Variants in ATP2A3 observed in about 807,000 individuals in gnomAD.
ATP2A3 encodes the protein sarcoplasmic/endoplasmic reticulum calcium ATPase 3.
A neutral mutation model predicts 106.8 loss-of-function variants in ATP2A3; 61 were observed. The observed-to-expected ratio is 0.57, with a 90% confidence interval of 0.46 to 0.71. The LOEUF (loss-of-function observed/expected upper bound fraction) is 0.71. Among genes scored for constraint, ATP2A3 ranks in the 30% least tolerant of loss-of-function variants. The pLI is 0.00. For missense variants in ATP2A3, 1,201 were observed against 1,423.5 expected (o/e 0.84, Z 2.52); for synonymous variants, 611 against 609.3 (o/e 1.00, Z -0.04).
rs934326976 is a variant in ATP2A3, at chr17:3,924,655, G to GA, written c.*766dup. On this transcript the variant is annotated 3_prime_UTR_variant, in exon 21 of 21. Transcript: ENST00000397041. The surrounding 1 kb of genome is among the most constrained non-coding windows in gnomAD (Gnocchi z 6.4). ...GACTCTGAACATCTCCCGAGCTCAG[G>GA]ACGGGGAACCCTGAGTCCAGGAGGC... The GA allele has an allele frequency of 2.2e-5, 8 of 370,236 alleles. No homozygotes were observed. Among genetic ancestry groups the GA allele is most frequent in the African/African-American group, 1.2e-4 (6 of 48,544 alleles). The allele number at this position is 370,236 out of a possible 1,614,324, so 22.9% of individuals were successfully genotyped here. A position where few individuals can be genotyped will look rare whatever the true frequency, so the allele number is the denominator to read the frequency against.
intron 10 of ATP2A3, among the ~76,000 whole-genome samples, chr17:3,943,742 G>A (rs1008771915): frequency 7.9e-5 from 12 of 152,182 alleles, no homozygotes; most frequent in East Asian, 1.9e-4. Flanking sequence ...GCCACACACC[G>A]TCCCTGCCCT....
rs1351290126 is a variant in ATP2A3, at chr17:3,928,333, T to G, written c.2980+330A>C. The G allele has an allele frequency of 1.9e-6, 3 of 1,612,310 alleles. No individual in the cohort carries two copies. In the East Asian group the frequency reaches 6.7e-5, roughly 36 times the overall value. On this transcript the variant is annotated intron_variant, in intron 20 of 20. Coordinates refer to ENST00000397041, the MANE Select transcript of ATP2A3 (RefSeq NM_005173.4). The surrounding 1 kb of genome is among the most constrained non-coding windows in gnomAD (Gnocchi z 6.1). ...AAGGCCTGGATAAAGACAGGCTGGG[T>G]GCAGAGGGGTCAGAGGCTGAGGCCC...
intron 12 of ATP2A3, among the ~76,000 whole-genome samples, chr17:3,942,101 C>T (rs2053817877): frequency 6.6e-6 from 1 of 152,138 alleles, no homozygotes; most frequent in African/African-American, 2.4e-5. Context: ...GGGCATAGCC[C>T]TGGGAAGGGG....
rs1403716326 is a variant in ATP2A3, at chr17:3,929,540, G to A, written c.2745-95C>T. 3.7e-6 allele frequency: 4 copies of A among 1,094,342 alleles called. No homozygotes were observed. Among genetic ancestry groups the A allele is most frequent in the African/African-American group, 3.1e-5 (2 of 63,816 alleles). 67.8% of individuals were successfully genotyped at this position (1,094,342 alleles called of 1,614,324 possible). ...GGAGGAGCCTCACCACTTCTCTAGC[G>A]GTGCATTGCTGTTGCCCGCTCGGCC... On this transcript the variant is annotated intron_variant, in intron 18 of 20. Transcript: ENST00000397041. This position sits in a 1 kb window ranked among gnomAD's most constrained non-coding sequence, Gnocchi z 4.3.
In ATP2A3 at chr17:3,953,459, GCCCC is replaced by G; in HGVS notation, c.137-34_137-31del. Reference sequence around the variant, plus strand: ...GAACGGGGGTCATGTGTGAGGCTGGGCCCCCACCACTGACCCTGCCCACTCAGAG... The same window carrying G: ...GAACGGGGGTCATGTGTGAGGCTGGGCACCACTGACCCTGCCCACTCAGAG... On this transcript the variant is annotated intron_variant, in intron 2 of 20. Coordinates refer to ENST00000397041, the MANE Select transcript of ATP2A3 (RefSeq NM_005173.4). The surrounding 1 kb of genome is among the most constrained non-coding windows in gnomAD (Gnocchi z 5.1). 6.2e-7 allele frequency: 1 copy of G among 1,607,152 alleles called. No individual in the cohort carries two copies. The highest frequency in any genetic ancestry group is 8.5e-7 in the Non-Finnish European group (1 of 1,174,190).
intron 17 of ATP2A3, among the ~76,000 whole-genome samples, chr17:3,934,522 C>CTTTTTT (rs111586874): frequency 8.1e-5 from 10 of 123,392 alleles, no homozygotes; most frequent in Non-Finnish European, 8.4e-5. Context: ...CCCCTCGATT[C>CTTTTTT]TTTTTTTTTT....
Position 3,958,847 on chromosome 17 carries a change from TAA to T in ATP2A3, c.119-5139_119-5138del, listed in dbSNP as rs1491177459. 1.0e-3 allele frequency among the ~76,000 whole-genome samples: 97 copies of T among 95,458 alleles called. 3 individuals are homozygous for T. The highest frequency in any genetic ancestry group is 2.6e-3 in the African/African-American group (46 of 17,508). 62.6% of individuals were successfully genotyped at this position (95,458 alleles called of 152,430 possible). A position where few individuals can be genotyped will look rare whatever the true frequency, so the allele number is the denominator to read the frequency against. On this transcript the variant is annotated intron_variant, in intron 1 of 20. Transcript: ENST00000397041. ...ACATATATATACACACACACATATA[TAA>T]ATATATATATATATATATATACACA...
rs537806292 is a variant in ATP2A3, at chr17:3,946,981, T to A, written c.1095+410A>T. On this transcript the variant is annotated intron_variant, in intron 8 of 20. Transcript: ENST00000397041. ...AGGTTACCGGAGCTGGCTTATCTGG[T>A]GACAGGTGTCGACTGCACAGAGTCA... is the stretch of plus-strand genomic sequence containing the variant. Among the ~76,000 whole-genome samples, 3 of 152,344 alleles carry A rather than the reference T, an allele frequency of 2.0e-5. No individual in the cohort carries two copies. In the South Asian group the frequency reaches 6.2e-4, roughly 32 times the overall value.
At chr17:3,933,893 C>T (rs2053265853) in intron 17 of ATP2A3, among the ~76,000 whole-genome samples, 1 of 151,344 alleles carries the variant, frequency 6.6e-6, no homozygotes. Context: ...CTGTGTCCTG[C>T]AAGACCCCCT....
In ATP2A3 at chr17:3,950,733, G is replaced by T; in HGVS notation, c.504C>A (p.Ile168=). Residue 168 remains isoleucine (I), a synonymous_variant, in exon 6 of 21, where the codon ATC becomes ATA. Transcript: ENST00000397041. ...GGTCCACTCGCAGCGTGGTGGACTT[G>T]ATCTCGATGAGGCGGAGGTCAGCAG... ...KVPADLRLIE[I]KSTTLRVDQS... The T allele has an allele frequency of 3.1e-6, 5 of 1,613,974 alleles. No homozygotes were observed. The highest frequency in any genetic ancestry group is 2.2e-5 in the South Asian group (2 of 91,074).
intron 1 of ATP2A3, among the ~76,000 whole-genome samples, chr17:3,961,894 T>C (rs1387623673): frequency 6.6e-6 from 1 of 152,122 alleles, no homozygotes; most frequent in Non-Finnish European, 1.5e-5. Flanking sequence ...TGCACAGCTA[T>C]GAAGGGGCAG....
In ATP2A3 at chr17:3,928,219, G is replaced by C. The variant is rs1171522450; in HGVS notation, c.2980+444C>G. 6.2e-7 allele frequency: 1 copy of C among 1,613,272 alleles called. No individual in the cohort carries two copies. Among genetic ancestry groups the C allele is most frequent in the African/African-American group, 1.3e-5 (1 of 74,922 alleles). ...AACCCTCCCCTTGACCCACCCACAA[G>C]GTGATACCAAAGAGGCCAACCCGGT... On this transcript the variant is annotated intron_variant, in intron 20 of 20. Transcript: ENST00000397041. The surrounding 1 kb of genome is among the most constrained non-coding windows in gnomAD (Gnocchi z 6.1).
At position 3,930,176 on chromosome 17, in the gene ATP2A3, CGG is replaced by C; in HGVS notation, c.2744+123_2744+124del. The C allele has an allele frequency of 1.8e-6, 2 of 1,132,506 alleles. No homozygotes were observed. The highest frequency in any genetic ancestry group is 2.3e-6 in the Non-Finnish European group (2 of 857,980). The allele number at this position is 1,132,506 out of a possible 1,614,324, so 70.2% of individuals were successfully genotyped here. On this transcript the variant is annotated intron_variant, in intron 18 of 20. Transcript: ENST00000397041. This position sits in a 1 kb window ranked among gnomAD's most constrained non-coding sequence, Gnocchi z 5.4. ...CCCCCAGCCCTCAGCCCCCACTCCT[CGG>C]CCCCAGCTCCAGGCCCTGCGCCCAG... is the stretch of plus-strand genomic sequence containing the variant.
intron 5 of ATP2A3, 107 bp from the exon 6 acceptor site, chr17:3,950,880 G>A (rs2054379806): frequency 1.8e-6 from 2 of 1,125,784 alleles, no homozygotes; most frequent in African/African-American, 1.5e-5. Context: ...TCGGGTGCCT[G>A]AGCTGTGATC....
chr17:3,952,401 A>G (rs2054501620), intron 3 of ATP2A3, among the ~76,000 whole-genome samples: 1 of 152,138 alleles, frequency 6.6e-6, no homozygotes, highest in Non-Finnish European at 1.5e-5. Context: ...ACGCATCCAA[A>G]GCCCATTAGC....
intron 3 of ATP2A3, among the ~76,000 whole-genome samples, chr17:3,952,754 T>C (rs1466385635): frequency 1.3e-5 from 2 of 152,262 alleles, no homozygotes; most frequent in African/African-American, 4.8e-5. Flanking sequence ...CGCACTCGGC[T>C]AATGTTTTTG....
chr17:3,930,589 GCGGGGTC>G lies in ATP2A3; in HGVS notation c.2611-162_2611-156del. 14 of 1,120,150 alleles carry G rather than the reference GCGGGGTC, an allele frequency of 1.2e-5. No individual in the cohort carries two copies. The highest frequency in any genetic ancestry group is 1.8e-5 in the Non-Finnish European group (14 of 778,286). The allele number at this position is 1,120,150 out of a possible 1,614,324, so 69.4% of individuals were successfully genotyped here. A position where few individuals can be genotyped will look rare whatever the true frequency, so the allele number is the denominator to read the frequency against. ...GTGGGCTGGGGATCCCGGGAGGGGT[GCGGGGTC>G]GGGGCGGCGGTGGGGAGAGCTGCAC... On this transcript the variant is annotated intron_variant, in intron 17 of 20. Coordinates refer to ENST00000397041, the MANE Select transcript of ATP2A3 (RefSeq NM_005173.4). This position sits in a 1 kb window ranked among gnomAD's most constrained non-coding sequence, Gnocchi z 5.4.
At chr17:3,950,806 C>G in intron 5 of ATP2A3, 33 bp from the exon 6 acceptor site, 18 of 1,602,818 alleles carry the variant, frequency 1.1e-5, no homozygotes, top group Non-Finnish European at 1.5e-5. Flanking sequence ...CTGAGGGTGG[C>G]TTTGGGCACC....
At position 3,937,420 on chromosome 17, in the gene ATP2A3, C is replaced by T. The variant is rs554508602; in HGVS notation, c.2317G>A (p.Val773Ile). The T allele has an allele frequency of 1.4e-5, 23 of 1,612,592 alleles. No homozygotes were observed. The highest frequency in any genetic ancestry group is 6.7e-5 in the African/African-American group (5 of 75,002). Residue 773 changes from valine (V) to isoleucine (I), a missense_variant, in exon 15 of 21, where the codon GTC becomes ATC. Around this residue, in one of 2 missense-constraint regions of ATP2A3, gnomAD observed 935 missense variants for 1,176.7 expected, o/e 0.79. Transcript: ENST00000397041. ...YLISSNVGEV[V>I]CIFLTAILGL... ...GGAGGGAAGGCCCGGCCTCACCAGA[C>T]GACCTCGCCAACATTGGAGGAGATG...
Sources: gnomAD v4.1 joint callset for allele counts (sites outside exome capture counted in the v4.1 genomes callset) on GRCh38, gnomAD v4.1.1 for gene constraint, gnomAD v4.1.1 regional missense constraint, Gnocchi (gnomAD v3.1) non-coding constraint, MANE v1.5 for transcripts, NCBI Gene and HGNC (gene_info 2026-07-23, HGNC 2026-07-21) for gene names.